SYTL2: variants seen among roughly 807,000 people sequenced by gnomAD.
The protein encoded by SYTL2 is synaptotagmin-like protein 2.
In SYTL2, 165 loss-of-function variants were observed where a neutral mutation model predicts 198.7. That is an observed-to-expected ratio of 0.83 (90% CI 0.73 to 0.94). SYTL2 has a LOEUF of 0.94. Ranked by LOEUF, SYTL2 falls within the 40% of genes least tolerant of loss-of-function variation. The probability of loss-of-function intolerance (pLI) is 0.00; values close to 1 mark genes in which losing one functional copy is unlikely to be tolerated. For synonymous variants in SYTL2, 966 were observed against 917.7 expected (o/e 1.05, Z -0.95); for missense variants, 2,835 against 2,582.8 (o/e 1.10, Z -2.12).
Position 85,753,242 on chromosome 11 carries a change from A to G in SYTL2, c.101+4383T>C, listed in dbSNP as rs948893180. Among the ~76,000 whole-genome samples, 41 of 152,334 alleles carry G rather than the reference A, an allele frequency of 2.7e-4. 1 individual carries two copies. The highest frequency in any genetic ancestry group is 8.7e-4 in the African/African-American group (36 of 41,578). On this transcript the variant is annotated intron_variant, in intron 2 of 19. Transcript: ENST00000359152. The stretch of plus-strand genomic sequence containing the variant: ...TTCCTTAAAGGTGGGTCAGGGCAGC[A>G]GGAGAGAAGACACAGGATAGGGGTG...
intron 1 of SYTL2, among the ~76,000 whole-genome samples, chr11:85,768,936 T>C (rs2092300653): frequency 6.6e-6 from 1 of 152,142 alleles, no homozygotes; most frequent in Non-Finnish European, 1.5e-5. Context: ...CTCCTCTAGC[T>C]TCCTCCAGCA....
intron 1 of SYTL2, among the ~76,000 whole-genome samples, chr11:85,805,598 G>A (rs565466758): frequency 1.6e-3 from 241 of 152,300 alleles, no homozygotes; most frequent in South Asian, 2.3e-3. Flanking sequence ...AGGCAGGAGA[G>A]TCCAGGCTCC....
At chr11:85,710,590 ATTAG>A (rs2086083467) in intron 13 of SYTL2, among the ~76,000 whole-genome samples, 1 of 152,332 alleles carries the variant, frequency 6.6e-6, no homozygotes, top group African/African-American at 2.4e-5. Context: ...GTAAAGTCAA[ATTAG>A]TTAGATTCCC....
intron 2 of SYTL2, among the ~76,000 whole-genome samples, chr11:85,752,834 G>C (rs760360301): frequency 1.6e-4 from 22 of 134,298 alleles, no homozygotes; most frequent in Non-Finnish European, 2.8e-4. Flanking sequence ...CTTGACAAAT[G>C]TTAGTTCCTT....
Position 85,719,349 on chromosome 11 carries a change from G to GT in SYTL2, c.5429-507dup, listed in dbSNP as rs1238180533. ...TCTTGGCAGGCTAGTGTGAGAGTGGGTATCAGTATTTGGAAGGGAGCGTGC... is the reference window on the plus strand; with the variant it reads ...TCTTGGCAGGCTAGTGTGAGAGTGGGTTATCAGTATTTGGAAGGGAGCGTGC... On this transcript the variant is annotated intron_variant, in intron 9 of 19. Transcript: ENST00000359152. 4 of 1,142,778 alleles carry GT rather than the reference G, an allele frequency of 3.5e-6. No individual in the cohort carries two copies. In the African/African-American group the frequency reaches 6.5e-5, roughly 18 times the overall value. 70.8% of individuals were successfully genotyped at this position (1,142,778 alleles called of 1,614,324 possible). A position where few individuals can be genotyped will look rare whatever the true frequency, so the allele number is the denominator to read the frequency against.
chr11:85,760,713 G>C (rs1461112245), intron 1 of SYTL2, among the ~76,000 whole-genome samples: 1 of 152,086 alleles, frequency 6.6e-6, no homozygotes, highest in Non-Finnish European at 1.5e-5. Context: ...AACTGGCAGG[G>C]TTGCTGAAAT....
At chr11:85,801,790 C>G (rs138843404) in intron 1 of SYTL2, among the ~76,000 whole-genome samples, 104 of 151,790 alleles carry the variant, frequency 6.9e-4, no homozygotes, top group African/African-American at 2.5e-3. Flanking sequence ...TTTACCTGTC[C>G]TGTGTGCCAA....
At chr11:85,755,040 A>G (rs1182803667) in intron 2 of SYTL2, among the ~76,000 whole-genome samples, 5 of 152,178 alleles carry the variant, frequency 3.3e-5, no homozygotes, top group Non-Finnish European at 4.4e-5. Context: ...AAAATTTCAT[A>G]GTTATTAGGC....
chr11:85,736,027 C>T (rs1301552996), intron 6 of SYTL2, among the ~76,000 whole-genome samples: 3 of 152,186 alleles, frequency 2.0e-5, no homozygotes, highest in Non-Finnish European at 4.4e-5. Flanking sequence ...AATTCCATAG[C>T]AGGCTGACTT....
intron 2 of SYTL2, among the ~76,000 whole-genome samples, chr11:85,751,442 C>T (rs1251954643): frequency 3.9e-5 from 6 of 152,248 alleles, no homozygotes; most frequent in African/African-American, 1.4e-4. Flanking sequence ...CTCTAATTAT[C>T]GTACCATCTA....
At chr11:85,832,461 T>C in the SYTL2 span, among the ~76,000 whole-genome samples, 4 of 152,256 alleles carry the variant, frequency 2.6e-5, no homozygotes, top group South Asian at 6.2e-4. Flanking sequence ...CATATAGCAG[T>C]GAAAGTTGTT....
chr11:85,791,166 C>CAAAAAAAAAAAAAA (rs568061365), intron 1 of SYTL2, among the ~76,000 whole-genome samples: 17 of 39,530 alleles, frequency 4.3e-4, no homozygotes, highest in South Asian at 1.9e-3. Flanking sequence ...GAGTCTGCCT[C>CAAAAAAAAAAAAAA]AAAAAAAAAA....
At chr11:85,763,354 T>C (rs757455847) in intron 1 of SYTL2, among the ~76,000 whole-genome samples, 8 of 152,228 alleles carry the variant, frequency 5.3e-5, no homozygotes, top group Admixed American at 2.0e-4. Flanking sequence ...ATACTCTTCT[T>C]GTCAATTGTC....
At chr11:85,759,800 T>C (rs551952448) in intron 1 of SYTL2, among the ~76,000 whole-genome samples, 1 of 152,224 alleles carries the variant, frequency 6.6e-6, no homozygotes, top group Non-Finnish European at 1.5e-5. Context: ...TGTGCTTGCA[T>C]ATGCTACTAC....
chr11:85,756,803 A>C (rs932514832), intron 2 of SYTL2, among the ~76,000 whole-genome samples: 12 of 152,258 alleles, frequency 7.9e-5, no homozygotes, highest in Non-Finnish European at 1.8e-4. Context: ...TGGTAAAAAT[A>C]AAGCCATTAT....
At chr11:85,832,663 T>G in the SYTL2 span, among the ~76,000 whole-genome samples, 1 of 152,046 alleles carries the variant, frequency 6.6e-6, no homozygotes, top group African/African-American at 2.4e-5. Context: ...GAGGAAATAA[T>G]GTTCAAGCTG....
At chr11:85,701,984 G>T (rs1162174351) in intron 16 of SYTL2, among the ~76,000 whole-genome samples, 1 of 152,134 alleles carries the variant, frequency 6.6e-6, no homozygotes, top group Non-Finnish European at 1.5e-5. Context: ...GAAAAGGTAA[G>T]CAGGACTTTT....
At chr11:85,781,732 A>G (rs497158) in intron 1 of SYTL2, among the ~76,000 whole-genome samples, 121,101 of 152,186 alleles carry the variant, frequency 0.8, 48,502 homozygotes, top group African/African-American at 0.87. Flanking sequence ...TCCAAAATCC[A>G]GTAGGGCAGT....
Position 85,726,193 on chromosome 11 carries a change from A to G in SYTL2, c.3165T>C (p.Asn1055=). 6.2e-7 allele frequency: 1 copy of G among 1,613,716 alleles called. No homozygotes were observed. The highest frequency in any genetic ancestry group is 8.5e-7 in the Non-Finnish European group (1 of 1,179,866). Residue 1055 remains asparagine, a synonymous_variant, in exon 8 of 20, where the codon AAT becomes AAC. Transcript: ENST00000359152. ...VMAREEMEKL[N]SKGILQVLPD... ...GTAGCACCTGGAGTATGCCCTTTGA[A>G]TTTAATTTCTCCATTTCCTCTCTTG...
Sources: gnomAD v4.1 joint callset for allele counts (sites outside exome capture counted in the v4.1 genomes callset) on GRCh38, gnomAD v4.1.1 for gene constraint, MANE v1.5 for transcripts, NCBI Gene and HGNC (gene_info 2026-07-23, HGNC 2026-07-21) for gene names.